The following SH3TC1 variants were observed in gnomAD, a reference collection of about 807,000 sequenced individuals.
The protein encoded by SH3TC1 is SH3 domain and tetratricopeptide repeat-containing protein 1.
Under a neutral mutation model 117.3 loss-of-function variants are expected in SH3TC1, and 135 were observed. That is an observed-to-expected ratio of 1.15 (90% CI 1.00 to 1.33). The LOEUF is 1.33. SH3TC1 is among the 40% of genes most tolerant of loss of function. The pLI is 0.00. For missense variants in SH3TC1, 2,092 were observed against 1,794.3 expected (o/e 1.17, Z -3.00); for synonymous variants, 898 against 816.9 (o/e 1.10, Z -1.69).
chr4:8,196,519 G>A (rs1717561436), upstream of SH3TC1, among the ~76,000 whole-genome samples: 2 of 152,182 alleles, frequency 1.3e-5, no homozygotes, highest in African/African-American at 4.8e-5. The surrounding 1 kb of genome is among the most constrained non-coding windows in gnomAD (Gnocchi z 4.6). Flanking sequence ...ATGGAGGAGA[G>A]GTGGGTGCCC....
rs775923123 is a variant in SH3TC1, at chr4:8,227,810, C to T, written c.2116C>T (p.Leu706Phe). 31 of 1,612,810 alleles carry T rather than the reference C, an allele frequency of 1.9e-5. No homozygotes were observed. Among genetic ancestry groups the T allele is most frequent in the Non-Finnish European group, 2.4e-5 (28 of 1,179,978 alleles). ...CTCGGGAGCCCCAGAGGCCGCGTGGCTCTCAGACTGCTACCTACTCCTGGC... is the reference window on the plus strand; with the variant it reads ...CTCGGGAGCCCCAGAGGCCGCGTGGTTCTCAGACTGCTACCTACTCCTGGC... ...RDSGAPEAAW[L>F]SDCYLLLADI... The change falls in exon 12 of 18, where the codon CTC becomes TTC. Residue 706 changes from leucine (L) to phenylalanine (F), a missense_variant. Leu to Phe is a conservative substitution (Grantham distance 22). Transcript: ENST00000245105.
At chr4:8,199,778 C>A (rs959250965) in intron 1 of SH3TC1, among the ~76,000 whole-genome samples, 2 of 152,294 alleles carry the variant, frequency 1.3e-5, no homozygotes, top group African/African-American at 4.8e-5. Flanking sequence ...TCAGGTGTGA[C>A]CCCAGCGCCC....
At chr4:8,234,766 A>G (rs1721654568) in intron 14 of SH3TC1, among the ~76,000 whole-genome samples, 1 of 152,230 alleles carries the variant, frequency 6.6e-6, no homozygotes, top group Admixed American at 6.5e-5. Flanking sequence ...ACAGCCCCTC[A>G]CAGTGCCCAG....
rs60720994 is a variant in SH3TC1, at chr4:8,218,034, C to A, written c.840-237C>A. On this transcript the variant is annotated intron_variant, in intron 7 of 17. Coordinates refer to ENST00000245105, the MANE Select transcript of SH3TC1 (RefSeq NM_018986.5). Reference sequence around the variant, plus strand: ...CAGGGGTGGCGGTGTTTCCAGGACACGGGCCCTAGGCTGAGGGGTGCGGGG... The same window carrying A: ...CAGGGGTGGCGGTGTTTCCAGGACAAGGGCCCTAGGCTGAGGGGTGCGGGG... 5.9e-3 allele frequency among the ~76,000 whole-genome samples: 903 copies of A among 152,242 alleles called. 8 individuals carry two copies. The highest frequency in any genetic ancestry group is 0.018 in the African/African-American group (759 of 41,538).
Position 8,216,161 on chromosome 4 carries a change from C to T in SH3TC1, c.532C>T (p.Leu178=). 6.2e-7 allele frequency: 1 copy of T among 1,613,820 alleles called. No homozygotes were observed. The highest frequency in any genetic ancestry group is 8.5e-7 in the Non-Finnish European group (1 of 1,180,022). ...CCTGCTCATGGACCAGGCCTTCTGG[C>T]TGCTCTTGCCCAGTGAGGAGGAGGA... ...ANLLMDQAFW[L]LLPSEEEETA... The change falls in exon 6 of 18, where the codon CTG becomes TTG. Residue 178 remains leucine (L), a synonymous_variant. Coordinates refer to ENST00000245105, the MANE Select transcript of SH3TC1 (RefSeq NM_018986.5).
At position 8,212,375 on chromosome 4, in the gene SH3TC1, G is replaced by A. The variant is rs982962676; in HGVS notation, c.248-326G>A. On this transcript the variant is annotated intron_variant, in intron 3 of 17. Coordinates refer to ENST00000245105, the MANE Select transcript of SH3TC1 (RefSeq NM_018986.5). ...GCTGAGGGGAGGGGTTGGAGGTCAC[G>A]GTGACAGGGAGGAGAGACCATCTGT... Among the ~76,000 whole-genome samples the A allele has an allele frequency of 3.9e-5, 6 of 152,182 alleles. No individual in the cohort carries two copies. In the East Asian group the frequency reaches 9.6e-4, roughly 24 times the overall value.
chr4:8,195,255 T>A (rs868217317), upstream of SH3TC1, among the ~76,000 whole-genome samples: 7 of 152,090 alleles, frequency 4.6e-5, no homozygotes, highest in African/African-American at 1.4e-4. Flanking sequence ...CACTTAGAAA[T>A]CTCCAAGCCC....
At position 8,236,325 on chromosome 4, in the gene SH3TC1, G is replaced by A. The variant is rs1416155370; in HGVS notation, c.3453G>A (p.Glu1151=). Residue 1151 remains glutamate (E), a synonymous_variant, in exon 16 of 18, where the codon GAG becomes GAA. Coordinates refer to ENST00000245105, the MANE Select transcript of SH3TC1 (RefSeq NM_018986.5). ...TGACTACGGGCAACCGCAAGGCGGA[G>A]CTGCGGCTGTGCAACAAGCTGGTGG... ...LAVTTGNRKA[E]LRLCNKLVAL... The A allele has an allele frequency of 6.4e-7, 1 of 1,554,098 alleles. No individual in the cohort carries two copies. Among genetic ancestry groups the A allele is most frequent in the South Asian group, 1.2e-5 (1 of 84,336 alleles).
At chr4:8,207,784 C>T (rs1718329937) in intron 2 of SH3TC1, among the ~76,000 whole-genome samples, 1 of 152,232 alleles carries the variant, frequency 6.6e-6, no homozygotes, top group Admixed American at 6.5e-5. Context: ...CCAGGCTTAT[C>T]TTGCACTTTC....
chr4:8,239,209 C>T (rs530052028), intron 17 of SH3TC1, among the ~76,000 whole-genome samples: 1 of 149,446 alleles, frequency 6.7e-6, no homozygotes, highest in South Asian at 2.1e-4. Flanking sequence ...GCACGCACTA[C>T]AGGCACATGC....
At chr4:8,240,619 A>G (rs1722242085) in intron 17 of SH3TC1, 79 bp from the exon 18 acceptor site, 1 of 1,579,814 alleles carries the variant, frequency 6.3e-7, no homozygotes, top group Admixed American at 1.7e-5. Context: ...GACATGTGGA[A>G]TGACCTGGGC....
At position 8,205,234 on chromosome 4, in the gene SH3TC1, C is replaced by T. The variant is rs771308586; in HGVS notation, c.40C>T (p.Pro14Ser). The change falls in exon 2 of 18, where the codon CCC (proline) becomes TCC (serine). Residue 14 changes from proline (P) to serine (S), a missense_variant. Coordinates refer to ENST00000245105, the MANE Select transcript of SH3TC1 (RefSeq NM_018986.5). This position sits in a 1 kb window ranked among gnomAD's most constrained non-coding sequence, Gnocchi z 5.4. The stretch of plus-strand genomic sequence containing the variant: ...TGCCGTGACCACTGAGGAGCCGACC[C>T]CCATGGGGAGGGGTCCTGTGGGACC... ...LPAVTTEEPTPMGRGPVGPSG... is the reference protein window; with the variant it reads ...LPAVTTEEPTSMGRGPVGPSG... 1.3e-6 allele frequency: 2 copies of T among 1,549,398 alleles called. No individual in the cohort carries two copies. The highest frequency in any genetic ancestry group is 8.7e-7 in the Non-Finnish European group (1 of 1,146,834).
Position 8,186,435 on chromosome 4 carries a change from G to A in SH3TC1, c.-57+4225G>A, listed in dbSNP as rs958004433. 1.3e-5 allele frequency among the ~76,000 whole-genome samples: 2 copies of A among 152,150 alleles called. No homozygotes were observed. The highest frequency in any genetic ancestry group is 2.9e-5 in the Non-Finnish European group (2 of 68,034). On this transcript the variant is annotated intron_variant, in intron 1 of 16. Transcript: ENST00000508641. The surrounding 1 kb of genome is among the most constrained non-coding windows in gnomAD (Gnocchi z 5.2). ...TGGGCTTCTGCGTGGAGCAGAAGAC[G>A]GATGTTAGGGGAAACTAAGGAAGTC...
At chr4:8,193,388 G>C (rs746989552) in intron 1 of SH3TC1, among the ~76,000 whole-genome samples, 2 of 152,176 alleles carry the variant, frequency 1.3e-5, no homozygotes, top group African/African-American at 2.4e-5. Context: ...ATAGTCCCCT[G>C]AAGTGGCTGT....
rs113754298 is a variant in SH3TC1 at position 8,228,676 on chromosome 4, C to T, written c.2950+32C>T. The T allele has an allele frequency of 4.5e-4, 630 of 1,411,464 alleles. 1 individual carries two copies. The highest frequency in any genetic ancestry group is 2.7e-3 in the African/African-American group (191 of 69,482). The allele number at this position is 1,411,464 out of a possible 1,614,324, so 87.4% of individuals were successfully genotyped here. On this transcript the variant is annotated intron_variant, in intron 12 of 17. Transcript: ENST00000245105. ...GCCCCAGTTCCTTCTGTGTGCCTTC[C>T]GGGGCCACTCGGGTCAGGGCACACC...
chr4:8,198,373 G>A (rs1235327877), upstream of SH3TC1, among the ~76,000 whole-genome samples: 1 of 152,224 alleles, frequency 6.6e-6, no homozygotes, highest in Non-Finnish European at 1.5e-5. Context: ...CAGGCTGGAG[G>A]GATCCCTCCC....
rs888303507 is a variant in SH3TC1, at chr4:8,209,875, G to A, written c.247+53G>A. ...TTCAGGTTCAAATCCGGGCTGTGCCGCTCCCTGGGCATCCAAGAGTCCAAC... is the reference window on the plus strand; with the variant it reads ...TTCAGGTTCAAATCCGGGCTGTGCCACTCCCTGGGCATCCAAGAGTCCAAC... On this transcript the variant is annotated intron_variant, in intron 3 of 17. Transcript: ENST00000245105. This position sits in a 1 kb window ranked among gnomAD's most constrained non-coding sequence, Gnocchi z 5.9. 13 of 1,558,460 alleles carry A rather than the reference G, an allele frequency of 8.3e-6. No individual in the cohort carries two copies. The highest frequency in any genetic ancestry group is 7.2e-5 in the Admixed American group (4 of 55,510).
At chr4:8,213,094 T>C in intron 4 of SH3TC1, 2 of 486,028 alleles carry the variant, frequency 4.1e-6, no homozygotes, top group South Asian at 6.1e-5. Flanking sequence ...GCTGTCCCTT[T>C]CTCCACCTGC....
At chr4:8,212,638 A>C (rs1718847826) in intron 3 of SH3TC1, 63 bp from the exon 4 acceptor site, 2 of 1,607,264 alleles carry the variant, frequency 1.2e-6, no homozygotes, top group South Asian at 2.2e-5. Context: ...GGTGGAGTAC[A>C]GTGCCCCACA....
Sources: gnomAD v4.1 joint callset for allele counts (sites outside exome capture counted in the v4.1 genomes callset) on GRCh38, gnomAD v4.1.1 for gene constraint, Gnocchi (gnomAD v3.1) non-coding constraint, MANE v1.5 for transcripts, NCBI Gene and HGNC (gene_info 2026-07-23, HGNC 2026-07-21) for gene names.